The following ELAVL2 variants were observed in gnomAD, a reference collection of about 807,000 sequenced individuals.
ELAVL2 encodes the protein ELAV like RNA binding protein 2, also known as ELAV-like protein 2.
A neutral mutation model predicts 34.6 loss-of-function variants in ELAVL2; 4 were observed. The ratio of observed to expected loss-of-function variants is 0.12; its 90% CI spans 0.06 to 0.26. ELAVL2 has a LOEUF of 0.26. Among genes scored for constraint, ELAVL2 ranks in the 10% least tolerant of loss-of-function variants. The pLI, the probability that ELAVL2 is intolerant of heterozygous loss-of-function variation, is 1.00. For missense variants in ELAVL2, 432 were observed against 442.8 expected (o/e 0.98, Z 0.22); for synonymous variants, 193 against 154.8 (o/e 1.25, Z -1.83).
intron 2 of ELAVL2, among the ~76,000 whole-genome samples, chr9:23,746,396 G>A (rs2050488489): frequency 6.6e-6 from 1 of 152,096 alleles, no homozygotes; most frequent in South Asian, 2.1e-4. Context: ...ATTGTACACT[G>A]ACTCTACCTA....
intron 3 of ELAVL2, among the ~76,000 whole-genome samples, chr9:23,725,849 T>G (rs2045001811): frequency 6.6e-6 from 1 of 152,104 alleles, no homozygotes; most frequent in South Asian, 2.1e-4. Context: ...AATATGCAAC[T>G]TAGCAGACCA....
chr9:23,760,776 T>C (rs1428015800), intron 2 of ELAVL2, among the ~76,000 whole-genome samples: 6 of 152,058 alleles, frequency 3.9e-5, no homozygotes, highest in Non-Finnish European at 8.8e-5. Flanking sequence ...CAGTTTGTAC[T>C]TAGCTTTTTA....
chr9:23,814,835 C>A (rs868117993), intron 1 of ELAVL2, among the ~76,000 whole-genome samples: 1 of 152,258 alleles, frequency 6.6e-6, no homozygotes, highest in Non-Finnish European at 1.5e-5. Flanking sequence ...AAAAGCAGCT[C>A]AGAGAAAACA....
chr9:23,788,455 C>G (rs943978182), intron 1 of ELAVL2, among the ~76,000 whole-genome samples: 2 of 152,294 alleles, frequency 1.3e-5, no homozygotes, highest in Admixed American at 6.5e-5. Context: ...ATAGAACTGA[C>G]CCCTACCATG....
chr9:23,713,095 G>T (rs1321582640), intron 3 of ELAVL2, among the ~76,000 whole-genome samples: 1 of 152,144 alleles, frequency 6.6e-6, no homozygotes, highest in Non-Finnish European at 1.5e-5. Flanking sequence ...TGCCCTGACA[G>T]GCATCTCGTT....
chr9:23,732,934 G>C (rs2046939957), intron 2 of ELAVL2, among the ~76,000 whole-genome samples: 1 of 151,966 alleles, frequency 6.6e-6, no homozygotes, highest in South Asian at 2.1e-4. Context: ...TACTGTTAAA[G>C]ATTTTAAGTA....
intron 5 of ELAVL2, among the ~76,000 whole-genome samples, chr9:23,695,983 G>A (rs1490295597): frequency 2.6e-5 from 4 of 152,180 alleles, no homozygotes; most frequent in Admixed American, 6.5e-5. Flanking sequence ...CAGGATCTCC[G>A]AGGACCCTCC....
rs138034294 is a variant in ELAVL2 at position 23,703,165 on chromosome 9, C to T, written c.488-1561G>A. ...GCAGGTGCGGGACATACTTGAGAAC[C>T]GCTGACTAAAACAAGCTAGGTCCAC... On this transcript the variant is annotated intron_variant, in intron 4 of 6. Coordinates refer to ENST00000397312, the MANE Select transcript of ELAVL2 (RefSeq NM_004432.5). Among the ~76,000 whole-genome samples, 75 of 152,122 alleles carry T rather than the reference C, an allele frequency of 4.9e-4. No homozygotes were observed. In the East Asian group the frequency reaches 0.011, roughly 22 times the overall value.
intron 2 of ELAVL2, among the ~76,000 whole-genome samples, chr9:23,740,880 G>C (rs2048998166): frequency 6.6e-6 from 1 of 152,150 alleles, no homozygotes; most frequent in South Asian, 2.1e-4. Flanking sequence ...TCCCACACAA[G>C]ACATTTCTCT....
At chr9:23,766,678 C>T (rs2056325298) in intron 1 of ELAVL2, among the ~76,000 whole-genome samples, 1 of 152,090 alleles carries the variant, frequency 6.6e-6, no homozygotes, top group African/African-American at 2.4e-5. Flanking sequence ...GCACCCCAGA[C>T]AGTCTTCTCC....
intron 1 of ELAVL2, among the ~76,000 whole-genome samples, chr9:23,796,871 G>C (rs1403533197): frequency 6.6e-6 from 1 of 152,164 alleles, no homozygotes; most frequent in Non-Finnish European, 1.5e-5. Flanking sequence ...AGAGAAAATA[G>C]ATTCTGACTT....
rs550904683 is a variant in ELAVL2 at position 23,735,370 on chromosome 9, T to A, written c.230-4245A>T. ...TCGGATCACTGCAACTTCCACCTCC[T>A]GGGTTCAAGCGATTCTTCTGCCTCG... On this transcript the variant is annotated intron_variant, in intron 2 of 6. Transcript: ENST00000397312. 4.6e-5 allele frequency: 7 copies of A among 152,300 alleles called. No homozygotes were observed. In the South Asian group the frequency reaches 1.5e-3, roughly 32 times the overall value. 9.4% of individuals were successfully genotyped at this position (152,300 alleles called of 1,614,324 possible).
At chr9:23,843,447 G>C in the ELAVL2 span, among the ~76,000 whole-genome samples, 1 of 152,008 alleles carries the variant, frequency 6.6e-6, no homozygotes, top group South Asian at 2.1e-4. Context: ...CACACATTTA[G>C]GAGTTTAAGA....
chr9:23,779,695 C>G (rs1445472990), intron 1 of ELAVL2, among the ~76,000 whole-genome samples: 1 of 151,952 alleles, frequency 6.6e-6, no homozygotes, highest in African/African-American at 2.4e-5. Flanking sequence ...GGAGACACCA[C>G]CATCCAATTC....
chr9:23,824,692 G>A (rs2065177818), intron 1 of ELAVL2, among the ~76,000 whole-genome samples: 1 of 152,110 alleles, frequency 6.6e-6, no homozygotes, highest in Non-Finnish European at 1.5e-5. Context: ...ATCTACCCTG[G>A]ATCCTCTCTT....
chr9:23,770,561 G>A (rs1187110122), intron 1 of ELAVL2, among the ~76,000 whole-genome samples: 1 of 152,158 alleles, frequency 6.6e-6, no homozygotes, highest in East Asian at 1.9e-4. Context: ...AGGTGAGACT[G>A]TCAGGGTGAT....
In ELAVL2 at chr9:23,762,243, T is replaced by C; in HGVS notation, c.-9A>G. 2 of 1,613,162 alleles carry C rather than the reference T, an allele frequency of 1.2e-6. No homozygotes were observed. Among genetic ancestry groups the C allele is most frequent in the Non-Finnish European group, 1.7e-6 (2 of 1,179,436 alleles). On this transcript the variant is annotated 5_prime_UTR_variant, in exon 2 of 7. Coordinates refer to ENST00000397312, the MANE Select transcript of ELAVL2 (RefSeq NM_004432.5). ...GACAGTTGTGTTTCCATGGCAGCAA[T>C]TACCTGCTAAAAACAGAGAAAACAA... is the stretch of plus-strand genomic sequence containing the variant.
chr9:23,776,728 T>C (rs937691154), intron 1 of ELAVL2, among the ~76,000 whole-genome samples: 2 of 114,820 alleles, frequency 1.7e-5, no homozygotes, highest in South Asian at 2.7e-4. Context: ...CTATGCTAAA[T>C]AGTTTGCTAT....
At chr9:23,712,412 A>G (rs544311965) in intron 3 of ELAVL2, among the ~76,000 whole-genome samples, 2 of 152,314 alleles carry the variant, frequency 1.3e-5, no homozygotes, top group South Asian at 2.1e-4. Flanking sequence ...GCTACATAGA[A>G]TATTTTCTTG....
Sources: gnomAD v4.1 joint callset for allele counts (sites outside exome capture counted in the v4.1 genomes callset) on GRCh38, gnomAD v4.1.1 for gene constraint, MANE v1.5 for transcripts, NCBI Gene and HGNC (gene_info 2026-07-23, HGNC 2026-07-21) for gene names.